Variants in ARMC2 observed in about 807,000 individuals in gnomAD.
ARMC2 encodes armadillo repeat containing 2.
In ARMC2, 67 loss-of-function variants were observed where a neutral mutation model predicts 90.3. The ratio of observed to expected loss-of-function variants is 0.74; its 90% CI spans 0.61 to 0.91. The LOEUF (loss-of-function observed/expected upper bound fraction) is 0.91, where lower values mean the gene tolerates loss of function less well. ARMC2 is among the 40% of genes least tolerant of loss of function. The pLI, the probability that ARMC2 is intolerant of heterozygous loss-of-function variation, is 0.00. For missense variants in ARMC2, 920 were observed against 1,030.9 expected, an observed-to-expected ratio of 0.89 and a Z score of 1.47; for synonymous variants, 393 against 393.0, an observed-to-expected ratio of 1.00 and a Z score of 0.00.
At chr6:109,039,098 G>GGGAGGAGAAGGAGAAGGAA in the ARMC2 span, among the ~76,000 whole-genome samples, 12 of 148,884 alleles carry the variant, frequency 8.1e-5, no homozygotes, top group African/African-American at 3.0e-4. Context: ...AGGAGAAGGA[G>GGGAGGAGAAGGAGAAGGAA]GGAGGAGAAG....
At chr6:108,947,318 G>C (rs1776873135) in intron 12 of ARMC2, among the ~76,000 whole-genome samples, 2 of 152,194 alleles carry the variant, frequency 1.3e-5, no homozygotes. Flanking sequence ...GAAACCATCT[G>C]TGTGTACAGA....
the ARMC2 span, chr6:108,986,507 G>A: frequency 0.1 from 15,340 of 152,630 alleles, 906 homozygotes; most frequent in Middle Eastern, 0.19. Flanking sequence ...AGCAATTCAC[G>A]CTTCCAGAAT....
chr6:109,025,655 T>C, the ARMC2 span, among the ~76,000 whole-genome samples: 1 of 151,520 alleles, frequency 6.6e-6, no homozygotes, highest in Non-Finnish European at 1.5e-5. Context: ...TAGACAGATT[T>C]GAAAATGAAT....
At chr6:108,950,185 G>A (rs1390085917) in intron 12 of ARMC2, among the ~76,000 whole-genome samples, 1 of 151,968 alleles carries the variant, frequency 6.6e-6, no homozygotes, top group Non-Finnish European at 1.5e-5. Flanking sequence ...TAGCCTGGGC[G>A]ACAGAGCAAT....
intron 16 of ARMC2, 104 bp downstream of exon 16, chr6:108,964,416 A>G: frequency 7.5e-7 from 1 of 1,329,400 alleles, no homozygotes; most frequent in South Asian, 1.5e-5. Flanking sequence ...AAGGTATTTC[A>G]ACATTGGGAA....
chr6:108,874,742 G>A (rs1166285282), intron 4 of ARMC2, among the ~76,000 whole-genome samples: 1 of 152,072 alleles, frequency 6.6e-6, no homozygotes, highest in Non-Finnish European at 1.5e-5. Flanking sequence ...CCAAGTCTGA[G>A]CCAAAGCCTG....
intron 17 of ARMC2, among the ~76,000 whole-genome samples, chr6:108,973,053 G>A (rs1299531426): frequency 3.3e-5 from 5 of 152,062 alleles, no homozygotes; most frequent in Non-Finnish European, 5.9e-5. Flanking sequence ...GCGAGGTAGC[G>A]CACACCTGCA....
chr6:109,004,710 T>C, the ARMC2 span, among the ~76,000 whole-genome samples: 478 of 152,290 alleles, frequency 3.1e-3, 5 homozygotes, highest in Non-Finnish European at 4.2e-3. Context: ...ATTACAGGTG[T>C]GAGCCACCGC....
chr6:109,010,098 C>A, the ARMC2 span, among the ~76,000 whole-genome samples: 119 of 152,304 alleles, frequency 7.8e-4, no homozygotes, highest in African/African-American at 2.8e-3. Flanking sequence ...TATCACTCCC[C>A]TACACAGATA....
chr6:109,011,817 T>C, the ARMC2 span, among the ~76,000 whole-genome samples: 2 of 151,738 alleles, frequency 1.3e-5, no homozygotes, highest in South Asian at 4.2e-4. Flanking sequence ...TTTGTAGAGA[T>C]AGGGTCTCAT....
chr6:108,995,709 A>G, the ARMC2 span, among the ~76,000 whole-genome samples: 2 of 152,328 alleles, frequency 1.3e-5, no homozygotes, highest in African/African-American at 4.8e-5. Flanking sequence ...TGAGCCCAGG[A>G]GGAGTTCAAG....
At chr6:108,950,145 G>A (rs1777076976) in intron 12 of ARMC2, among the ~76,000 whole-genome samples, 1 of 152,158 alleles carries the variant, frequency 6.6e-6, no homozygotes. Flanking sequence ...TGCGGAGGTT[G>A]CTGTGAGCTG....
At chr6:108,876,060 C>T (rs937904592) in intron 4 of ARMC2, 83 bp from the exon 5 acceptor site, 8 of 1,173,998 alleles carry the variant, frequency 6.8e-6, no homozygotes, top group Non-Finnish European at 9.6e-6. Context: ...CATATAAATT[C>T]TTAGATTGAA....
intron 4 of ARMC2, among the ~76,000 whole-genome samples, chr6:108,869,393 A>T (rs1490437273): frequency 6.6e-6 from 1 of 152,160 alleles, no homozygotes; most frequent in African/African-American, 2.4e-5. Flanking sequence ...CTGTAATCCC[A>T]GCTACTCGGG....
intron 8 of ARMC2, among the ~76,000 whole-genome samples, chr6:108,906,510 C>T (rs1033072129): frequency 1.3e-4 from 20 of 151,628 alleles, no homozygotes; most frequent in African/African-American, 4.1e-4. Flanking sequence ...GACAAGATCT[C>T]GCTCTTGTCA....
chr6:108,901,715 T>G lies in ARMC2; in HGVS notation c.847+1923T>G, dbSNP rs577656402. The stretch of plus-strand genomic sequence containing the variant: ...TACAGGTGTGAGCCACTGAGCCGGC[T>G]GGCATGTATTTCTTAGAAACAAAAA... On this transcript the variant is annotated intron_variant, in intron 7 of 17. Coordinates refer to ENST00000392644, the MANE Select transcript of ARMC2 (RefSeq NM_032131.6). 2.6e-5 allele frequency among the ~76,000 whole-genome samples: 4 copies of G among 152,294 alleles called. No homozygotes were observed. The East Asian group carries it at 5.8e-4, about 22-fold the overall frequency.
intron 17 of ARMC2, among the ~76,000 whole-genome samples, chr6:108,966,777 A>C (rs1778404567): frequency 1.3e-5 from 2 of 152,144 alleles, no homozygotes; most frequent in Non-Finnish European, 2.9e-5. Flanking sequence ...GTTAAAACCC[A>C]AAAAAACTAA....
chr6:108,988,623 T>C, the ARMC2 span: 2 of 1,612,854 alleles, frequency 1.2e-6, no homozygotes, highest in Non-Finnish European at 1.7e-6. Flanking sequence ...ACAACAGTTT[T>C]GATATAAACT....
At chr6:108,908,646 G>C (rs1383719295) in intron 8 of ARMC2, among the ~76,000 whole-genome samples, 1 of 151,866 alleles carries the variant, frequency 6.6e-6, no homozygotes, top group Non-Finnish European at 1.5e-5. Context: ...TGCTCTGGCG[G>C]CTGAGGCAAG....
Sources: allele counts gnomAD v4.1 joint callset (sites outside exome capture counted in the v4.1 genomes callset), GRCh38; gene constraint gnomAD v4.1.1; transcripts MANE v1.5; gene names NCBI Gene and HGNC (gene_info 2026-07-23, HGNC 2026-07-21).